Variants in CATSPERT observed in about 807,000 individuals in gnomAD.
CATSPERT encodes catsper channel auxiliary subunit tau.
At chr2:201,581,503 TATATATATATATATATATATAA>T in the CATSPERT span, among the ~76,000 whole-genome samples, 20 of 100,566 alleles carry the variant, frequency 2.0e-4, 1 homozygote, top group African/African-American at 8.3e-4. Context: ...TATATATATA[TATATATATATATATATATATAA>T]AATATTCTGG....
the CATSPERT span, among the ~76,000 whole-genome samples, chr2:201,615,847 A>G: frequency 6.6e-6 from 1 of 152,220 alleles, no homozygotes; most frequent in Admixed American, 6.5e-5. Context: ...AGAATCAAAT[A>G]GACACAGTAA....
the CATSPERT span, among the ~76,000 whole-genome samples, chr2:201,525,628 C>A: frequency 1.3e-4 from 20 of 152,090 alleles, no homozygotes; most frequent in Admixed American, 4.6e-4. Context: ...CAGAGCTGAA[C>A]TGAACAAAAT....
chr2:201,565,817 T>C, the CATSPERT span: 1 of 1,612,608 alleles, frequency 6.2e-7, no homozygotes, highest in Non-Finnish European at 8.5e-7. Flanking sequence ...ACAGTAACAT[T>C]CAGGTCTGGG....
the CATSPERT span, among the ~76,000 whole-genome samples, chr2:201,595,369 T>C: frequency 6.6e-6 from 1 of 151,952 alleles, no homozygotes; most frequent in African/African-American, 2.4e-5. Context: ...TTTGTATTTT[T>C]AGTAGAGACG....
At chr2:201,593,998 T>C in the CATSPERT span, among the ~76,000 whole-genome samples, 5 of 152,062 alleles carry the variant, frequency 3.3e-5, no homozygotes, top group Non-Finnish European at 7.4e-5. Flanking sequence ...AATATTGTTA[T>C]GTGTGAATTT....
the CATSPERT span, among the ~76,000 whole-genome samples, chr2:201,526,112 C>G: frequency 1.3e-5 from 2 of 152,134 alleles, no homozygotes; most frequent in Non-Finnish European, 2.9e-5. Context: ...TTAACTCACT[C>G]TAAGAGGCCA....
the CATSPERT span, chr2:201,487,966 A>G: frequency 7.4e-7 from 1 of 1,350,364 alleles, no homozygotes; most frequent in Non-Finnish European, 1.0e-6. Flanking sequence ...TTTTAAATTT[A>G]CAAGGACTTC....
chr2:201,535,235 G>A, the CATSPERT span: 89 of 984,882 alleles, frequency 9.0e-5, no homozygotes, highest in Non-Finnish European at 1.0e-4. Flanking sequence ...GAGAAAAATA[G>A]GTCTAGAGAC....
chr2:201,492,764 C>G, the CATSPERT span: 1 of 1,535,592 alleles, frequency 6.5e-7, no homozygotes, highest in South Asian at 1.2e-5. Flanking sequence ...CTGTTTGGCC[C>G]TTTCTGCTCT....
chr2:201,582,917 C>T, the CATSPERT span, among the ~76,000 whole-genome samples: 127 of 152,212 alleles, frequency 8.3e-4, no homozygotes, highest in Admixed American at 2.6e-3. Flanking sequence ...GACTGTCTTC[C>T]CCCAAGAAAT....
chr2:201,525,327 T>C, the CATSPERT span, among the ~76,000 whole-genome samples: 187 of 152,240 alleles, frequency 1.2e-3, no homozygotes, highest in African/African-American at 4.4e-3. Flanking sequence ...TATAATCACA[T>C]GGAAATTAGA....
At chr2:201,601,881 C>A in the CATSPERT span, 1 of 1,582,628 alleles carries the variant, frequency 6.3e-7, no homozygotes, top group Middle Eastern at 1.7e-4. Context: ...ATGTTGTAAA[C>A]TGACTGAAAA....
chr2:201,540,775 C>G, the CATSPERT span, among the ~76,000 whole-genome samples: 2 of 152,206 alleles, frequency 1.3e-5, no homozygotes, highest in African/African-American at 4.8e-5. Context: ...GGAGTAATTT[C>G]AACTTTCAAG....
chr2:201,584,700 T>C, the CATSPERT span, among the ~76,000 whole-genome samples: 1 of 151,916 alleles, frequency 6.6e-6, no homozygotes, highest in African/African-American at 2.4e-5. Flanking sequence ...GGAGAATCGC[T>C]TGAACCCGGG....
At chr2:201,515,060 G>T in the CATSPERT span, among the ~76,000 whole-genome samples, 2 of 151,944 alleles carry the variant, frequency 1.3e-5, no homozygotes, top group Non-Finnish European at 2.9e-5. Context: ...TTCAAAGCAT[G>T]CTAAATAAAG....
At chr2:201,558,287 C>T in the CATSPERT span, 1 of 152,234 alleles carries the variant, frequency 6.6e-6, no homozygotes, top group Admixed American at 6.5e-5. Context: ...ACTACTCATA[C>T]AGGTTTTTCA....
chr2:201,493,363 G>T, the CATSPERT span: 1 of 1,536,668 alleles, frequency 6.5e-7, no homozygotes, highest in Non-Finnish European at 8.7e-7. Context: ...GGGAATGATG[G>T]GTATACTCTG....
chr2:201,613,375 G>A, the CATSPERT span, among the ~76,000 whole-genome samples: 4 of 152,196 alleles, frequency 2.6e-5, no homozygotes, highest in Admixed American at 1.3e-4. Context: ...GGATCAGACA[G>A]TAACATTTGC....
the CATSPERT span, chr2:201,487,599 G>T: frequency 1.2e-6 from 2 of 1,605,300 alleles, no homozygotes; most frequent in South Asian, 2.2e-5. Flanking sequence ...TATCACAAAT[G>T]AGCGAACATT....
Sources: gnomAD v4.1 joint callset for allele counts (sites outside exome capture counted in the v4.1 genomes callset) on GRCh38, gnomAD v4.1.1 for gene constraint, MANE v1.5 for transcripts, NCBI Gene and HGNC (gene_info 2026-07-23, HGNC 2026-07-21) for gene names.